KCNK2: variants seen among roughly 807,000 people sequenced by gnomAD.
KCNK2 encodes potassium channel subfamily K member 2.
KCNK2 carries 21 observed loss-of-function variants against 40.5 expected under a neutral mutation model. That is an observed-to-expected ratio of 0.52 (90% CI 0.37 to 0.75). The LOEUF (loss-of-function observed/expected upper bound fraction) is 0.75, where lower values mean the gene tolerates loss of function less well. Among genes scored for constraint, KCNK2 ranks in the 30% least tolerant of loss-of-function variants. KCNK2 has a pLI of 0.00. For missense variants in KCNK2, 399 were observed against 531.6 expected (o/e 0.75, Z 2.45); for synonymous variants, 191 against 202.2 (o/e 0.94, Z 0.47).
At chr1:215,174,477 C>T (rs1193613730) in intron 5 of KCNK2, among the ~76,000 whole-genome samples, 1 of 152,066 alleles carries the variant, frequency 6.6e-6, no homozygotes, top group Admixed American at 6.6e-5. Context: ...TCCATATGAA[C>T]TTTAAAGTAG....
Position 215,234,844 on chromosome 1 carries a change from CACACGCTGCTGAGTGGACAGCCA to C in KCNK2, c.983_1005del (p.His328ArgfsTer18). ...ATGTTCCAGGTGGGAGAGTTCAGAGCACACGCTGCTGAGTGGACAGCCAACGTCACAGCCGAATTCAAAGAAAC... is the reference window on the plus strand; with the variant it reads ...ATGTTCCAGGTGGGAGAGTTCAGAGCACGTCACAGCCGAATTCAAAGAAAC... On this transcript the variant is annotated frameshift_variant, in exon 7 of 7. Transcript: ENST00000444842. LOFTEE classifies it high-confidence loss of function. The C allele has an allele frequency of 6.2e-7, 1 of 1,612,808 alleles. No individual in the cohort carries two copies. Among genetic ancestry groups the C allele is most frequent in the Non-Finnish European group, 8.5e-7 (1 of 1,179,036 alleles).
chr1:215,007,503 C>T (rs917616800), intron 1 of KCNK2, among the ~76,000 whole-genome samples: 5 of 151,794 alleles, frequency 3.3e-5, no homozygotes, highest in Admixed American at 3.3e-4. Flanking sequence ...ATGGAGAGAG[C>T]TGGAGAGGTT....
chr1:215,024,867 G>T (rs529500519), intron 1 of KCNK2, among the ~76,000 whole-genome samples: 1 of 151,502 alleles, frequency 6.6e-6, no homozygotes, highest in African/African-American at 2.4e-5. Context: ...TTAATAGCCT[G>T]TGGACTAAAC....
upstream of KCNK2, among the ~76,000 whole-genome samples, chr1:215,079,252 T>C (rs1659057787): frequency 6.6e-6 from 1 of 152,222 alleles, no homozygotes; most frequent in African/African-American, 2.4e-5. Context: ...AATTAGTCCA[T>C]TATTGCATTG....
chr1:215,149,911 G>A (rs532159191), intron 3 of KCNK2, among the ~76,000 whole-genome samples: 78 of 152,298 alleles, frequency 5.1e-4, no homozygotes, highest in African/African-American at 1.4e-3. Flanking sequence ...TGAAGAGAGG[G>A]CTACCACGAA....
chr1:215,182,221 G>A (rs939174940), intron 5 of KCNK2, among the ~76,000 whole-genome samples: 1 of 152,152 alleles, frequency 6.6e-6, no homozygotes, highest in Non-Finnish European at 1.5e-5. Flanking sequence ...GGAGCAGAGA[G>A]GGCCCCACTG....
At chr1:215,084,010 C>T (rs1456396960) in intron 1 of KCNK2, among the ~76,000 whole-genome samples, 2 of 151,966 alleles carry the variant, frequency 1.3e-5, no homozygotes, top group Non-Finnish European at 2.9e-5. Flanking sequence ...CAAGAGGTTC[C>T]CTGTATTAAA....
intron 2 of KCNK2, among the ~76,000 whole-genome samples, chr1:215,104,727 A>G (rs1660362493): frequency 6.6e-6 from 1 of 152,164 alleles, no homozygotes; most frequent in South Asian, 2.1e-4. Context: ...ACATGTTAGT[A>G]AAGAGAAGTG....
chr1:215,098,491 T>G (rs908541281), intron 2 of KCNK2, among the ~76,000 whole-genome samples: 2 of 151,930 alleles, frequency 1.3e-5, no homozygotes, highest in Non-Finnish European at 2.9e-5. Context: ...TGTGAGATTT[T>G]AAAAATTTAA....
rs1240986304 is a variant in KCNK2 at position 215,169,221 on chromosome 1, C to G, written c.498C>G (p.Arg166=). ...TTIGFGNISP[R]TEGGKIFCII... The stretch of plus-strand genomic sequence containing the variant: ...AAGGATTTGGAAACATCTCACCACG[C>G]ACAGAAGGCGGCAAAATATTCTGTA... Residue 166 remains arginine, a synonymous_variant, in exon 4 of 7, where the codon CGC becomes CGG. Coordinates refer to ENST00000444842, the MANE Select transcript of KCNK2 (RefSeq NM_001017425.3). 1 of 1,609,318 alleles carries G rather than the reference C, an allele frequency of 6.2e-7. No individual in the cohort carries two copies. Among genetic ancestry groups the G allele is most frequent in the East Asian group, 2.2e-5 (1 of 44,736 alleles).
chr1:215,007,113 G>GTATA (rs1390432184), intron 1 of KCNK2, among the ~76,000 whole-genome samples: 1 of 119,524 alleles, frequency 8.4e-6, no homozygotes, highest in Non-Finnish European at 1.7e-5. Flanking sequence ...ATATATGTGT[G>GTATA]TATATATGTA....
At chr1:215,132,586 A>G (rs1212911879) in intron 3 of KCNK2, among the ~76,000 whole-genome samples, 2 of 152,238 alleles carry the variant, frequency 1.3e-5, no homozygotes, top group African/African-American at 4.8e-5. Context: ...ATGTACTTTC[A>G]GTATTGTGTA....
At chr1:215,053,903 G>A (rs1223643750) in intron 1 of KCNK2, among the ~76,000 whole-genome samples, 1 of 152,184 alleles carries the variant, frequency 6.6e-6, no homozygotes, top group African/African-American at 2.4e-5. Context: ...GGAGGCGGAG[G>A]TTGCAGTGAG....
At chr1:215,109,630 C>A (rs1558095142) in intron 2 of KCNK2, among the ~76,000 whole-genome samples, 1 of 151,866 alleles carries the variant, frequency 6.6e-6, no homozygotes, top group South Asian at 2.1e-4. Flanking sequence ...TATTGTTGGG[C>A]ACTTAGGTTG....
At chr1:215,148,577 C>A (rs950016142) in intron 3 of KCNK2, among the ~76,000 whole-genome samples, 3 of 152,074 alleles carry the variant, frequency 2.0e-5, no homozygotes, top group Non-Finnish European at 4.4e-5. Context: ...TATTTTCTTG[C>A]ATATCTGCTC....
chr1:215,020,912 T>C (rs2102477898), intron 1 of KCNK2, among the ~76,000 whole-genome samples: 1 of 152,306 alleles, frequency 6.6e-6, no homozygotes, highest in South Asian at 2.1e-4. Flanking sequence ...CACCTTTCAA[T>C]TTCATTTTAT....
intron 1 of KCNK2, among the ~76,000 whole-genome samples, chr1:215,017,397 C>T (rs999099656): frequency 6.6e-6 from 1 of 152,054 alleles, no homozygotes; most frequent in African/African-American, 2.4e-5. Flanking sequence ...CAATAGAATA[C>T]TGTTTAGCTG....
intron 3 of KCNK2, among the ~76,000 whole-genome samples, chr1:215,147,408 A>C (rs926265068): frequency 6.6e-6 from 1 of 152,364 alleles, no homozygotes; most frequent in South Asian, 2.1e-4. Flanking sequence ...AAATTCTAAA[A>C]TGAACAGATC....
chr1:215,084,195 C>G (rs892413681), intron 1 of KCNK2, among the ~76,000 whole-genome samples: 4 of 124,248 alleles, frequency 3.2e-5, no homozygotes, highest in African/African-American at 1.3e-4. Context: ...CACACACACA[C>G]ACACACACAC....
Sources: gnomAD v4.1 joint callset for allele counts (sites outside exome capture counted in the v4.1 genomes callset) on GRCh38, gnomAD v4.1.1 for gene constraint, MANE v1.5 for transcripts, NCBI Gene and HGNC (gene_info 2026-07-23, HGNC 2026-07-21) for gene names.